Variants in MICU1 observed in about 807,000 individuals in gnomAD.
MICU1 encodes calcium uptake protein 1, mitochondrial.
MICU1 carries 45 observed loss-of-function variants against 56.8 expected under a neutral mutation model. The observed-to-expected ratio is 0.79, with a 90% CI of 0.62 to 1.02. MICU1 has a LOEUF of 1.02. Ranked by LOEUF, MICU1 falls within the 50% of genes least tolerant of loss-of-function variation. MICU1 has a pLI of 0.00. For missense variants in MICU1, 504 were observed against 587.1 expected (o/e 0.86, Z 1.46); for synonymous variants, 186 against 195.1 (o/e 0.95, Z 0.39).
intron 5 of MICU1, among the ~76,000 whole-genome samples, chr10:72,529,018 C>G (rs148534510): frequency 2.0e-5 from 3 of 152,250 alleles, no homozygotes; most frequent in African/African-American, 7.2e-5. Context: ...ATCATATTGT[C>G]TGTTATAAAC....
At position 72,375,773 on chromosome 10, in the gene MICU1, C is replaced by T; in HGVS notation, c.1270+10G>A. On this transcript the variant is annotated intron_variant, in intron 11 of 11. Coordinates refer to ENST00000361114, the MANE Select transcript of MICU1 (RefSeq NM_001195518.2). Reference sequence around the variant, plus strand: ...TGTTTCCCCTCCGGGCTCCAGAGGGCCCCACTCACCATCACAGTCAAAGAG... The same window carrying T: ...TGTTTCCCCTCCGGGCTCCAGAGGGTCCCACTCACCATCACAGTCAAAGAG... The T allele has an allele frequency of 6.2e-7, 1 of 1,610,286 alleles. No individual in the cohort carries two copies. The highest frequency in any genetic ancestry group is 1.7e-5 in the Admixed American group (1 of 59,394).
chr10:72,445,918 G>A (rs1227439150), intron 8 of MICU1, among the ~76,000 whole-genome samples: 1 of 151,940 alleles, frequency 6.6e-6, no homozygotes, highest in East Asian at 1.9e-4. Context: ...ACTAACTGTT[G>A]TCCTAATTCA....
In MICU1 at chr10:72,524,703, G is replaced by A. The variant is rs1314964360; in HGVS notation, c.537+9043C>T. The A allele has an allele frequency of 8.1e-6, 10 of 1,229,100 alleles. No individual in the cohort carries two copies. The East Asian group carries it at 3.2e-4, about 39-fold the overall frequency. The allele number at this position is 1,229,100 out of a possible 1,614,324, so 76.1% of individuals were successfully genotyped here. ...ATTACTATGGATTTTGGAGCATTAA[G>A]TAATTTAAAGCACATGCTGCTGAGT... is the stretch of plus-strand genomic sequence containing the variant. On this transcript the variant is annotated intron_variant, in intron 5 of 11. Coordinates refer to ENST00000361114, the MANE Select transcript of MICU1 (RefSeq NM_001195518.2).
chr10:72,555,398 C>T (rs944981024), intron 3 of MICU1, among the ~76,000 whole-genome samples: 1 of 151,810 alleles, frequency 6.6e-6, no homozygotes, highest in Non-Finnish European at 1.5e-5. Flanking sequence ...AAAAAAAAAA[C>T]TTAAGGAAGA....
chr10:72,457,381 C>T (rs1375307673), intron 8 of MICU1, among the ~76,000 whole-genome samples: 1 of 102,154 alleles, frequency 9.8e-6, no homozygotes, highest in African/African-American at 3.5e-5. Context: ...CCGTGCTTGG[C>T]CCATTTTTTT....
chr10:72,613,258 C>T (rs1020860774), intron 1 of MICU1, among the ~76,000 whole-genome samples: 14 of 146,500 alleles, frequency 9.6e-5, no homozygotes, highest in Non-Finnish European at 1.8e-4. Context: ...AGGAGAAACA[C>T]TTTACCCCTA....
chr10:72,518,115 G>A lies in MICU1; in HGVS notation c.538-9846C>T, dbSNP rs376189129. 7.3e-5 allele frequency among the ~76,000 whole-genome samples: 11 copies of A among 150,856 alleles called. No individual in the cohort carries two copies. In the East Asian group the frequency reaches 1.8e-3, roughly 24 times the overall value. On this transcript the variant is annotated intron_variant, in intron 5 of 11. Transcript: ENST00000361114. The stretch of plus-strand genomic sequence containing the variant: ...TGGTGAGATCTCAGCTCACTACAAC[G>A]TCTGCCTCCCAGGTTCAAGCGATTC...
At chr10:72,523,093 C>A (rs1490261910) in intron 5 of MICU1, among the ~76,000 whole-genome samples, 1 of 152,140 alleles carries the variant, frequency 6.6e-6, no homozygotes, top group Non-Finnish European at 1.5e-5. Context: ...CTTTTAAGCA[C>A]TTACCAACTG....
chr10:72,556,988 C>T (rs937059601), intron 3 of MICU1, among the ~76,000 whole-genome samples: 1 of 151,944 alleles, frequency 6.6e-6, no homozygotes, highest in African/African-American at 2.4e-5. Context: ...ATCACTTGAA[C>T]CCAGGAGGCG....
At chr10:72,557,318 A>G (rs1050258339) in intron 3 of MICU1, among the ~76,000 whole-genome samples, 5 of 152,198 alleles carry the variant, frequency 3.3e-5, no homozygotes, top group African/African-American at 1.2e-4. Flanking sequence ...AGGTCAGTTC[A>G]GTTCATCACC....
intron 3 of MICU1, among the ~76,000 whole-genome samples, chr10:72,554,813 G>A (rs796482017): frequency 4.6e-5 from 7 of 152,228 alleles, no homozygotes; most frequent in South Asian, 2.1e-4. Flanking sequence ...TCAGGAGTTC[G>A]AGACCAGCCT....
chr10:72,455,357 A>G (rs1207703204), intron 8 of MICU1, among the ~76,000 whole-genome samples: 1 of 142,754 alleles, frequency 7.0e-6, no homozygotes, highest in African/African-American at 3.0e-5. Flanking sequence ...TCTCAAAAAA[A>G]AAAAAAAAAA....
chr10:72,578,230 G>C (rs1041383080), intron 1 of MICU1, among the ~76,000 whole-genome samples: 1 of 152,008 alleles, frequency 6.6e-6, no homozygotes, highest in East Asian at 1.9e-4. Context: ...CTTGCTAAAG[G>C]CTCAGATGAT....
chr10:72,476,649 G>A (rs892675935), intron 7 of MICU1, among the ~76,000 whole-genome samples: 9 of 152,082 alleles, frequency 5.9e-5, no homozygotes, highest in African/African-American at 1.7e-4. Flanking sequence ...TTTCTGTTTT[G>A]AGACCACTTC....
chr10:72,399,457 A>G (rs1296715416), intron 10 of MICU1, among the ~76,000 whole-genome samples: 1 of 152,112 alleles, frequency 6.6e-6, no homozygotes, highest in Non-Finnish European at 1.5e-5. Flanking sequence ...AACTTGAAGT[A>G]TAATAAATAA....
At chr10:72,462,872 T>C (rs905223441) in intron 8 of MICU1, among the ~76,000 whole-genome samples, 9 of 152,228 alleles carry the variant, frequency 5.9e-5, no homozygotes, top group Middle Eastern at 3.2e-3. Context: ...CAAAGCTTCA[T>C]GACTTATTTA....
chr10:72,475,289 G>T lies in MICU1; in HGVS notation c.744C>A (p.Ser248Arg). Residue 248 changes from serine to arginine, a missense_variant, in exon 8 of 12, where the codon AGC becomes AGA. Transcript: ENST00000361114. ...VDMEEFEQVQSIIRSQTSMGM... is the reference protein window; with the variant it reads ...VDMEEFEQVQRIIRSQTSMGM... ...CCATACTGGTTTGGGAGCGAATGAT[G>T]CTCTGAACCTAATACAGAATCAAAC... 1 of 1,601,876 alleles carries T rather than the reference G, an allele frequency of 6.2e-7. No homozygotes were observed. The highest frequency in any genetic ancestry group is 1.1e-5 in the South Asian group (1 of 88,766).
rs1440403320 is a variant in MICU1 at position 72,523,770 on chromosome 10, C to A, written c.537+9976G>T. On this transcript the variant is annotated intron_variant, in intron 5 of 11. Coordinates refer to ENST00000361114, the MANE Select transcript of MICU1 (RefSeq NM_001195518.2). Reference sequence around the variant, plus strand: ...TAATTTATAAACTACCATTAAAGAGCCCAAGCCTTCAAAGATCAATTTAAA... The same window carrying A: ...TAATTTATAAACTACCATTAAAGAGACCAAGCCTTCAAAGATCAATTTAAA... The A allele has an allele frequency of 2.9e-6, 4 of 1,396,172 alleles. No individual in the cohort carries two copies. The African/African-American group carries it at 4.4e-5, about 15-fold the overall frequency. The allele number at this position is 1,396,172 out of a possible 1,614,324, so 86.5% of individuals were successfully genotyped here.
chr10:72,368,816 T>G (rs1862232409), intron 11 of MICU1, among the ~76,000 whole-genome samples: 2 of 152,114 alleles, frequency 1.3e-5, no homozygotes, highest in Admixed American at 1.3e-4. Context: ...CTCACAGGAT[T>G]AGCAGCAATT....
Sources: allele counts gnomAD v4.1 joint callset (sites outside exome capture counted in the v4.1 genomes callset), GRCh38; gene constraint gnomAD v4.1.1; transcripts MANE v1.5; gene names NCBI Gene and HGNC (gene_info 2026-07-23, HGNC 2026-07-21).